Variants in OR7A17 observed in about 807,000 individuals in gnomAD.
The protein encoded by OR7A17 is olfactory receptor family 7 subfamily A member 17.
For synonymous variants in OR7A17, 159 were observed against 142.1 expected (o/e 1.12, Z -0.85); for missense variants, 366 against 365.5 (o/e 1.00, Z -0.01).
At position 14,879,751 on chromosome 19, in the gene OR7A17, C is replaced by A. The variant is rs2045096932; in HGVS notation, c.*675G>T. On this transcript the variant is annotated 3_prime_UTR_variant, in exon 3 of 3. Coordinates refer to ENST00000641113, the MANE Select transcript of OR7A17 (RefSeq NM_030901.2). ...CCAGCCTGGCCAACATGGTGAAACC[C>A]CTTCCCTACTAAAAATACAAAAATT... The A allele has an allele frequency of 6.6e-6, 1 of 152,134 alleles. No homozygotes were observed. Among genetic ancestry groups the A allele is most frequent in the African/African-American group, 2.4e-5 (1 of 41,484 alleles). The allele number at this position is 152,134 out of a possible 1,614,324, so 9.4% of individuals were successfully genotyped here. A position where few individuals can be genotyped will look rare whatever the true frequency, so the allele number is the denominator to read the frequency against.
Position 14,880,664 on chromosome 19 carries a change from G to A in OR7A17, c.692C>T (p.Ala231Val). ...IVSSIRAISS[A>V]QGKYKAFSTC... ...GGAAAATGCCTTGTACTTCCCCTGAGCTGATGAGATTGCACGTATGGAGGA... is the reference window on the plus strand; with the variant it reads ...GGAAAATGCCTTGTACTTCCCCTGAACTGATGAGATTGCACGTATGGAGGA... Residue 231 changes from alanine (A) to valine (V), a missense_variant, in exon 3 of 3, where the codon GCT becomes GTT. Physicochemically the swap from Ala to Val is moderately conservative, Grantham distance 64 (BLOSUM62 0). Coordinates refer to ENST00000641113, the MANE Select transcript of OR7A17 (RefSeq NM_030901.2). 2 of 1,614,204 alleles carry A rather than the reference G, an allele frequency of 1.2e-6. No homozygotes were observed. The highest frequency in any genetic ancestry group is 1.7e-6 in the Non-Finnish European group (2 of 1,180,048).
At chr19:14,882,444 G>A (rs73508572) in intron 1 of OR7A17, among the ~76,000 whole-genome samples, 1,890 of 152,326 alleles carry the variant, frequency 0.012, 53 homozygotes, top group African/African-American at 0.043. Context: ...GGGGAAGGAA[G>A]GCTCAGTGGA....
chr19:14,884,740 T>G (rs2045128510), intron 1 of OR7A17: 1 of 152,040 alleles, frequency 6.6e-6, no homozygotes, highest in African/African-American at 2.4e-5. Flanking sequence ...TTTCAAACAA[T>G]GGAAAAAGAG....
intron 1 of OR7A17, among the ~76,000 whole-genome samples, chr19:14,885,563 C>T (rs187520245): frequency 2.0e-4 from 30 of 152,234 alleles, no homozygotes; most frequent in Admixed American, 1.3e-3. Context: ...ATATAACCTA[C>T]AAGGGATGTG....
At chr19:14,883,332 C>T (rs921232956) in intron 1 of OR7A17, among the ~76,000 whole-genome samples, 6 of 151,724 alleles carry the variant, frequency 4.0e-5, no homozygotes, top group African/African-American at 7.3e-5. Flanking sequence ...CCCAGCTACT[C>T]GGGGGGCTGA....
At position 14,880,503 on chromosome 19, in the gene OR7A17, G is replaced by T. The variant is rs375826987; in HGVS notation, c.853C>A (p.Leu285Met). 1.9e-6 allele frequency: 3 copies of T among 1,614,018 alleles called. No individual in the cohort carries two copies. Among genetic ancestry groups the T allele is most frequent in the African/African-American group, 2.7e-5 (2 of 74,920 alleles). Reference protein sequence around the residue: ...SVMYTVATPMLNPFIYSLRNK... With the variant: ...SVMYTVATPMMNPFIYSLRNK... ...CTCAGACTGTAGATAAAGGGGTTCA[G>T]CATGGGGGTGGCCACAGTGTACATC... is the stretch of plus-strand genomic sequence containing the variant. Residue 285 changes from leucine to methionine, a missense_variant, in exon 3 of 3, where the codon CTG (leucine) becomes ATG (methionine). Physicochemically the swap from Leu to Met is conservative, Grantham distance 15. Coordinates refer to ENST00000641113, the MANE Select transcript of OR7A17 (RefSeq NM_030901.2).
chr19:14,883,977 A>G (rs1056362283), intron 1 of OR7A17, among the ~76,000 whole-genome samples: 2 of 152,234 alleles, frequency 1.3e-5, no homozygotes, highest in East Asian at 3.8e-4. Context: ...GTATTAAAAT[A>G]TGACAAGATT....
Position 14,881,232 on chromosome 19 carries a change from TC to T in OR7A17, c.123del (p.Asn42IlefsTer69). The T allele has an allele frequency of 1.2e-6, 2 of 1,613,906 alleles. No individual in the cohort carries two copies. The highest frequency in any genetic ancestry group is 1.7e-6 in the Non-Finnish European group (2 of 1,179,994). ...FLSMYLVTVL[G>X]NLLIILATIS... ...ATTGTGGCCAGGATGATGAGCAGAT[TC>T]CCGAGCACAGTGACCAGGTACATGG... On this transcript the variant is annotated frameshift_variant, in exon 3 of 3. Coordinates refer to ENST00000641113, the MANE Select transcript of OR7A17 (RefSeq NM_030901.2). LOFTEE classifies it low-confidence loss of function (END_TRUNC).
rs377684636 is a variant in OR7A17, at chr19:14,880,698, T to C, written c.658A>G (p.Lys220Glu). The change falls in exon 3 of 3, where the codon AAG becomes GAG. Residue 220 changes from lysine to glutamate, a missense_variant. Transcript: ENST00000641113. ...ATTGCACGTATGGAGGAAACTATCT[T>C]AGAGTAAGAGCAAAGGATCCCCACA... ...PLVGILCSYS[K>E]IVSSIRAISS... 1.2e-6 allele frequency: 2 copies of C among 1,614,182 alleles called. No individual in the cohort carries two copies. The highest frequency in any genetic ancestry group is 1.7e-6 in the Non-Finnish European group (2 of 1,180,030).
rs2045101432 is a variant in OR7A17, at chr19:14,880,454, A to G, written c.902T>C (p.Leu301Pro). The change falls in exon 3 of 3, where the codon CTG becomes CCG. Residue 301 changes from leucine to proline, a missense_variant. Coordinates refer to ENST00000641113, the MANE Select transcript of OR7A17 (RefSeq NM_030901.2). Reference sequence around the variant, plus strand: ...TTGCTTTCCTCTGAAGGACATTTTCAGAGCCCTCTTTATGTCTTTATTCCT... The same window carrying G: ...TTGCTTTCCTCTGAAGGACATTTTCGGAGCCCTCTTTATGTCTTTATTCCT... Reference protein sequence around the residue: ...SLRNKDIKRALKMSFRGKQ With the variant: ...SLRNKDIKRAPKMSFRGKQ 6.2e-7 allele frequency: 1 copy of G among 1,605,578 alleles called. No homozygotes were observed. The highest frequency in any genetic ancestry group is 8.5e-7 in the Non-Finnish European group (1 of 1,176,330).
Position 14,880,850 on chromosome 19 carries a change from C to G in OR7A17, c.506G>C (p.Cys169Ser). ...QSLMVLWLSFCTDLEIPHFFC... is the reference protein window; with the variant it reads ...QSLMVLWLSFSTDLEIPHFFC... ...AAAGTGGGGGATTTCCAAGTCTGTG[C>G]AGAAGGACAGCCACAATACCATTAA... Residue 169 changes from cysteine (C) to serine (S), a missense_variant, in exon 3 of 3, where the codon TGC becomes TCC. By Grantham distance (112) the Cys-to-Ser change is moderately radical (BLOSUM62 -1). Coordinates refer to ENST00000641113, the MANE Select transcript of OR7A17 (RefSeq NM_030901.2). The G allele has an allele frequency of 6.2e-7, 1 of 1,614,142 alleles. No homozygotes were observed. Among genetic ancestry groups the G allele is most frequent in the Admixed American group, 1.7e-5 (1 of 60,014 alleles).
chr19:14,880,973 T>A lies in OR7A17; in HGVS notation c.383A>T (p.His128Leu). ...CATGATGACTGTGTAGTGCAGAGGA[T>A]GACAGATGGCCACAAACCGATCATA... ...MAYDRFVAICHPLHYTVIMNP... is the reference protein window; with the variant it reads ...MAYDRFVAICLPLHYTVIMNP... The change falls in exon 3 of 3, where the codon CAT becomes CTT. Residue 128 changes from histidine (H) to leucine (L), a missense_variant. Coordinates refer to ENST00000641113, the MANE Select transcript of OR7A17 (RefSeq NM_030901.2). 2 of 1,614,104 alleles carry A rather than the reference T, an allele frequency of 1.2e-6. No individual in the cohort carries two copies. Among genetic ancestry groups the A allele is most frequent in the Non-Finnish European group, 1.7e-6 (2 of 1,180,020 alleles).
intron 1 of OR7A17, among the ~76,000 whole-genome samples, 155 bp downstream of exon 1, chr19:14,885,786 T>C (rs1451329060): frequency 6.6e-6 from 1 of 152,182 alleles, no homozygotes; most frequent in Non-Finnish European, 1.5e-5. Context: ...AAATTTCATA[T>C]AGAACCAAAA....
At position 14,881,374 on chromosome 19, in the gene OR7A17, T is replaced by C. The variant is rs1338248933; in HGVS notation, c.-19A>G. On this transcript the variant is annotated 5_prime_UTR_variant, in exon 3 of 3. Coordinates refer to ENST00000641113, the MANE Select transcript of OR7A17 (RefSeq NM_030901.2). Reference sequence around the variant, plus strand: ...GTTCCATCTTTTTTTTTCTATTTATTTATTTATTTATTTATTTATTTATTT... The same window carrying C: ...GTTCCATCTTTTTTTTTCTATTTATCTATTTATTTATTTATTTATTTATTT... 2.8e-5 allele frequency: 14 copies of C among 498,058 alleles called. No homozygotes were observed. Among genetic ancestry groups the C allele is most frequent in the East Asian group, 1.9e-4 (1 of 5,268 alleles). 30.9% of individuals were successfully genotyped at this position (498,058 alleles called of 1,614,324 possible).
At position 14,886,055 on chromosome 19, in the gene OR7A17, G is replaced by A. The variant is rs1458699770; in HGVS notation, c.-409C>T. 6.6e-6 allele frequency: 1 copy of A among 152,336 alleles called. No homozygotes were observed. Among genetic ancestry groups the A allele is most frequent in the Non-Finnish European group, 1.5e-5 (1 of 68,034 alleles). The allele number at this position is 152,336 out of a possible 1,614,324, so 9.4% of individuals were successfully genotyped here. On this transcript the variant is annotated 5_prime_UTR_variant, in exon 1 of 3. Transcript: ENST00000641113. The stretch of plus-strand genomic sequence containing the variant: ...AGACAAGGCATCAGGAAAAGTTGAA[G>A]CATCATCTATACTTGAGCCAGACTA...
At position 14,881,426 on chromosome 19, in the gene OR7A17, A is replaced by C; in HGVS notation, c.-71T>G. On this transcript the variant is annotated 5_prime_UTR_variant, in exon 3 of 3. Transcript: ENST00000641113. Reference sequence around the variant, plus strand: ...TTTATTAACATAGACAGGGTCTCTCACTCTGTTGCCAACGCTGGTCTGAAC... The same window carrying C: ...TTTATTAACATAGACAGGGTCTCTCCCTCTGTTGCCAACGCTGGTCTGAAC... 4 of 1,027,598 alleles carry C rather than the reference A, an allele frequency of 3.9e-6. No individual in the cohort carries two copies. The highest frequency in any genetic ancestry group is 5.1e-6 in the Non-Finnish European group (4 of 790,380). The allele number at this position is 1,027,598 out of a possible 1,614,324, so 63.7% of individuals were successfully genotyped here. A position where few individuals can be genotyped will look rare whatever the true frequency, so the allele number is the denominator to read the frequency against.
At chr19:14,883,236 T>C in intron 1 of OR7A17, among the ~76,000 whole-genome samples, 1 of 152,134 alleles carries the variant, frequency 6.6e-6, no homozygotes. Context: ...GGTCAGGAGT[T>C]CGAGACCAGC....
chr19:14,881,470 C>G lies in OR7A17; in HGVS notation c.-115G>C, dbSNP rs959703494. Reference sequence around the variant, plus strand: ...TCTGAACCTCCTGGACTCATGCGATCCTCCCACTTCAGCCTACAAAAGTGC... The same window carrying G: ...TCTGAACCTCCTGGACTCATGCGATGCTCCCACTTCAGCCTACAAAAGTGC... On this transcript the variant is annotated 5_prime_UTR_variant, in exon 3 of 3. Transcript: ENST00000641113. The G allele has an allele frequency of 1.1e-5, 7 of 619,720 alleles. No individual in the cohort carries two copies. Among genetic ancestry groups the G allele is most frequent in the African/African-American group, 3.9e-5 (2 of 50,918 alleles). The allele number at this position is 619,720 out of a possible 1,614,324, so 38.4% of individuals were successfully genotyped here.
In OR7A17 at chr19:14,879,007, A is replaced by AT. The variant is rs2045092803; in HGVS notation, c.*1418dup. 6.6e-6 allele frequency: 1 copy of AT among 151,078 alleles called. No homozygotes were observed. The highest frequency in any genetic ancestry group is 1.5e-5 in the Non-Finnish European group (1 of 67,804). 9.4% of individuals were successfully genotyped at this position (151,078 alleles called of 1,614,324 possible). On this transcript the variant is annotated 3_prime_UTR_variant, in exon 3 of 3. Coordinates refer to ENST00000641113, the MANE Select transcript of OR7A17 (RefSeq NM_030901.2). ...TTTACTCCATCTTTTTTTCTTTTAT[A>AT]TTTTTGTGGGTACATAGTAGATGTA...
Sources: allele counts gnomAD v4.1 joint callset (sites outside exome capture counted in the v4.1 genomes callset), GRCh38; gene constraint gnomAD v4.1.1; transcripts MANE v1.5; gene names NCBI Gene and HGNC (gene_info 2026-07-23, HGNC 2026-07-21).